The following GNG3 variants were observed in gnomAD, a reference collection of about 807,000 sequenced individuals.
GNG3 encodes the protein G protein subunit gamma 3.
GNG3 carries 4 observed loss-of-function variants against 5.6 expected under a neutral mutation model. The ratio of observed to expected loss-of-function variants is 0.71; its 90% CI spans 0.35 to 1.63. The LOEUF (loss-of-function observed/expected upper bound fraction) is 1.63. Among genes scored for constraint, GNG3 ranks in the 40% most tolerant of loss-of-function variants. The probability of loss-of-function intolerance (pLI) is 0.05; values close to 1 mark genes in which losing one functional copy is unlikely to be tolerated. For missense variants in GNG3, 62 were observed against 96.6 expected (o/e 0.64, Z 1.50); for synonymous variants, 30 against 33.5 (o/e 0.89, Z 0.36).
chr11:62,707,964 G>A, intron 1 of GNG3, 49 bp downstream of exon 1: 1 of 363,478 alleles, frequency 2.8e-6, no homozygotes, highest in South Asian at 2.9e-5. Context: ...GGAGCAGACA[G>A]GGGTGATGTG....
At chr11:62,706,770 C>A, upstream of GNG3, 1 of 545,118 alleles carries the variant, frequency 1.8e-6, no homozygotes, top group Non-Finnish European at 3.6e-6. Context: ...GGGCCTCTTG[C>A]GTTGTTGCGC....
chr11:62,707,735 A>G lies in GNG3; in HGVS notation c.-182A>G, dbSNP rs1471051626. 2 of 305,412 alleles carry G rather than the reference A, an allele frequency of 6.5e-6. No individual in the cohort carries two copies. Among genetic ancestry groups the G allele is most frequent in the African/African-American group, 4.3e-5 (2 of 46,870 alleles). 18.9% of individuals were successfully genotyped at this position (305,412 alleles called of 1,614,324 possible). On this transcript the variant is annotated 5_prime_UTR_variant, in exon 1 of 3. Coordinates refer to ENST00000294117, the MANE Select transcript of GNG3 (RefSeq NM_012202.5). ...TCCAGACAGTGCTTGAGCTGCAGAAACTGAGACCAGACCTCTGGCCTGGCC... is the reference window on the plus strand; with the variant it reads ...TCCAGACAGTGCTTGAGCTGCAGAAGCTGAGACCAGACCTCTGGCCTGGCC...
At chr11:62,706,550 G>C (rs1367068097), upstream of GNG3, 1 of 461,208 alleles carries the variant, frequency 2.2e-6, no homozygotes, top group Non-Finnish European at 4.4e-6. Flanking sequence ...CCCAGGGGAT[G>C]CGCTGACTGC....
At chr11:62,708,016 C>G (rs1187833544) in intron 1 of GNG3, 101 bp downstream of exon 1, 3 of 464,392 alleles carry the variant, frequency 6.5e-6, no homozygotes, top group Non-Finnish European at 1.2e-5. Flanking sequence ...GAGCTGGGAA[C>G]ACACATGGTT....
upstream of GNG3, chr11:62,707,301 C>T: frequency 3.9e-6 from 4 of 1,014,584 alleles, no homozygotes; most frequent in Non-Finnish European, 6.1e-6. Flanking sequence ...TCACATTTTC[C>T]TGGATATGGA....
intron 1 of GNG3, 53 bp from the exon 2 acceptor site, chr11:62,708,242 G>C (rs1037092053): frequency 8.6e-7 from 1 of 1,160,142 alleles, no homozygotes; most frequent in African/African-American, 1.5e-5. Context: ...GAGTGAGCAT[G>C]GAGGGGGGCC....
At chr11:62,706,695 C>G (rs1199409032), upstream of GNG3, 1 of 482,768 alleles carries the variant, frequency 2.1e-6, no homozygotes, top group South Asian at 1.5e-5. Context: ...CCCACAGCTC[C>G]TAGGACCTGT....
Position 62,708,175 on chromosome 11 carries a change from G to C in GNG3, c.-1-120G>C. On this transcript the variant is annotated intron_variant, in intron 1 of 2. Coordinates refer to ENST00000294117, the MANE Select transcript of GNG3 (RefSeq NM_012202.5). ...ACAGTCCACTGGAGGAGGAGGAGGA[G>C]GATAGGAGGGGAACAAAATATTGGG... 6 of 736,476 alleles carry C rather than the reference G, an allele frequency of 8.1e-6. No individual in the cohort carries two copies. The South Asian group carries it at 8.8e-5, about 11-fold the overall frequency. The allele number at this position is 736,476 out of a possible 1,614,324, so 45.6% of individuals were successfully genotyped here.
chr11:62,707,387 A>AG (rs571952340), upstream of GNG3: 2 of 711,206 alleles, frequency 2.8e-6, no homozygotes, highest in Admixed American at 2.0e-5. Context: ...GGAAAGGAGG[A>AG]GGGGGGCGAC....
At chr11:62,706,609 A>T, upstream of GNG3, 1 of 470,782 alleles carries the variant, frequency 2.1e-6, no homozygotes, top group Admixed American at 2.3e-5. Context: ...CCCTCCGTGC[A>T]CACCTTCACC....
chr11:62,708,847 C>T lies in GNG3; in HGVS notation c.*41C>T. 1 of 1,495,182 alleles carries T rather than the reference C, an allele frequency of 6.7e-7. No individual in the cohort carries two copies. The highest frequency in any genetic ancestry group is 1.4e-5 in the African/African-American group (1 of 72,730). The allele number at this position is 1,495,182 out of a possible 1,614,324, so 92.6% of individuals were successfully genotyped here. A position where few individuals can be genotyped will look rare whatever the true frequency, so the allele number is the denominator to read the frequency against. On this transcript the variant is annotated 3_prime_UTR_variant, in exon 3 of 3. Transcript: ENST00000294117. ...CTCACAACTCCTCCCTTTTCCCTCT[C>T]CTGGGCCCTTCCTTAGGTCAGTAAT... is the stretch of plus-strand genomic sequence containing the variant.
upstream of GNG3, chr11:62,707,121 C>G: frequency 6.4e-7 from 1 of 1,553,956 alleles, no homozygotes; most frequent in Non-Finnish European, 8.7e-7. Flanking sequence ...CCTCTTTGTC[C>G]GGTCCTTTGA....
chr11:62,708,450 G>T (rs1207601857), intron 2 of GNG3, 56 bp downstream of exon 2: 2 of 1,357,100 alleles, frequency 1.5e-6, no homozygotes, highest in African/African-American at 1.4e-5. Context: ...TGTGCTGCAG[G>T]TTCCCAAAGC....
chr11:62,708,217 G>A, intron 1 of GNG3, 78 bp from the exon 2 acceptor site: 1 of 918,992 alleles, frequency 1.1e-6, no homozygotes, highest in Non-Finnish European at 1.8e-6. Context: ...CCACAGCCTT[G>A]TAAAGGTTGG....
At position 62,708,883 on chromosome 11, in the gene GNG3, C is replaced by A; in HGVS notation, c.*77C>A. The A allele has an allele frequency of 9.0e-7, 1 of 1,107,862 alleles. No homozygotes were observed. The highest frequency in any genetic ancestry group is 1.4e-6 in the Non-Finnish European group (1 of 736,192). 68.6% of individuals were successfully genotyped at this position (1,107,862 alleles called of 1,614,324 possible). A position where few individuals can be genotyped will look rare whatever the true frequency, so the allele number is the denominator to read the frequency against. On this transcript the variant is annotated 3_prime_UTR_variant, in exon 3 of 3. Coordinates refer to ENST00000294117, the MANE Select transcript of GNG3 (RefSeq NM_012202.5). ...CCTTAGGTCAGTAATTGTTGTGAGC[C>A]CCTTAGGCTCCTTGCATCCCATCCC...
chr11:62,707,393 G>T (rs574223333), upstream of GNG3: 4 of 707,058 alleles, frequency 5.7e-6, no homozygotes, highest in East Asian at 1.1e-4. Context: ...GAGGAGGGGG[G>T]CGACTGCCCA....
At chr11:62,708,186 G>A (rs2083574662) in intron 1 of GNG3, 109 bp from the exon 2 acceptor site, 3 of 777,660 alleles carry the variant, frequency 3.9e-6, no homozygotes, top group Non-Finnish European at 7.1e-6. Flanking sequence ...GATAGGAGGG[G>A]AACAAAATAT....
At chr11:62,707,043 C>T, upstream of GNG3, 5 of 1,098,522 alleles carry the variant, frequency 4.6e-6, no homozygotes, top group South Asian at 1.3e-5. Context: ...CATCCCCCCG[C>T]CCCCTTCACG....
At chr11:62,707,364 C>A, upstream of GNG3, 1 of 728,024 alleles carries the variant, frequency 1.4e-6, no homozygotes, top group South Asian at 1.5e-5. Flanking sequence ...AGTGCTGTGT[C>A]AGAGTAGAGG....
Sources: gnomAD v4.1 joint callset for allele counts on GRCh38, gnomAD v4.1.1 for gene constraint, MANE v1.5 for transcripts, NCBI Gene and HGNC (gene_info 2026-07-23, HGNC 2026-07-21) for gene names.